CNTNAP4: variants seen among roughly 807,000 people sequenced by gnomAD.
The protein encoded by CNTNAP4 is contactin associated protein family member 4.
Under a neutral mutation model 148.4 loss-of-function variants are expected in CNTNAP4, and 98 were observed. The ratio of observed to expected loss-of-function variants is 0.66; its 90% CI spans 0.56 to 0.78. CNTNAP4 has a LOEUF of 0.78. CNTNAP4 is among the 30% of genes least tolerant of loss of function. The pLI, the probability that CNTNAP4 is intolerant of heterozygous loss-of-function variation, is 0.00. For synonymous variants in CNTNAP4, 730 were observed against 565.1 expected (o/e 1.29, Z -4.14); for missense variants, 1,935 against 1,565.6 (o/e 1.24, Z -3.98).
At chr16:76,538,015 C>T in intron 18 of CNTNAP4, 101 bp from the exon 19 acceptor site, 1 of 449,834 alleles carries the variant, frequency 2.2e-6, no homozygotes. Context: ...GTTCTTCTAT[C>T]TATGCAATTC....
intron 15 of CNTNAP4, among the ~76,000 whole-genome samples, chr16:76,503,582 G>C (rs571866130): frequency 1.3e-5 from 2 of 152,206 alleles, no homozygotes; most frequent in East Asian, 3.9e-4. Flanking sequence ...ACAATGTGCA[G>C]GTTTGTTACA....
intron 3 of CNTNAP4, among the ~76,000 whole-genome samples, chr16:76,383,957 A>G (rs113302598): frequency 5.9e-5 from 9 of 152,136 alleles, no homozygotes; most frequent in African/African-American, 2.2e-4. Context: ...TGACAGATAA[A>G]TGTTTTCTCC....
At chr16:76,351,229 G>A (rs2011698048) in intron 2 of CNTNAP4, among the ~76,000 whole-genome samples, 1 of 152,130 alleles carries the variant, frequency 6.6e-6, no homozygotes, top group African/African-American at 2.4e-5. Flanking sequence ...CACTTTCTCT[G>A]TTAACAAAGT....
intron 17 of CNTNAP4, among the ~76,000 whole-genome samples, chr16:76,535,320 A>C (rs866654089): frequency 2.7e-4 from 41 of 152,308 alleles, no homozygotes; most frequent in African/African-American, 9.1e-4. Flanking sequence ...AAAGATCAAT[A>C]AATATTTTTT....
At chr16:76,455,011 TATG>T (rs1172899155) in intron 8 of CNTNAP4, among the ~76,000 whole-genome samples, 7 of 152,250 alleles carry the variant, frequency 4.6e-5, no homozygotes, top group Non-Finnish European at 8.8e-5. Flanking sequence ...AAATTTTTAA[TATG>T]ATGTACAGTT....
intron 8 of CNTNAP4, among the ~76,000 whole-genome samples, chr16:76,461,343 T>C (rs2080952189): frequency 6.6e-6 from 1 of 152,182 alleles, no homozygotes; most frequent in African/African-American, 2.4e-5. Context: ...CTGAAATGAC[T>C]GAAAACACCC....
intron 3 of CNTNAP4, among the ~76,000 whole-genome samples, chr16:76,399,202 A>G (rs1229812637): frequency 6.6e-6 from 1 of 152,182 alleles, no homozygotes; most frequent in African/African-American, 2.4e-5. Flanking sequence ...TGGCTCTATT[A>G]GCAGCATGAA....
intron 3 of CNTNAP4, among the ~76,000 whole-genome samples, chr16:76,359,005 C>G (rs977371164): frequency 6.6e-6 from 1 of 152,148 alleles, no homozygotes; most frequent in Non-Finnish European, 1.5e-5. Flanking sequence ...TCGCTAATTG[C>G]TGAAGCAGGA....
At chr16:76,401,729 T>A (rs962463877) in intron 3 of CNTNAP4, among the ~76,000 whole-genome samples, 12 of 152,178 alleles carry the variant, frequency 7.9e-5, no homozygotes, top group Non-Finnish European at 1.5e-4. Context: ...ATACCTAGTT[T>A]ATTGAGGATT....
Position 76,553,903 on chromosome 16 carries a change from T to C in CNTNAP4, c.3729T>C (p.Ile1243=), listed in dbSNP as rs757542685. 2 of 1,591,260 alleles carry C rather than the reference T, an allele frequency of 1.3e-6. No individual in the cohort carries two copies. The highest frequency in any genetic ancestry group is 2.7e-5 in the African/African-American group (2 of 74,534). The part of the protein sequence containing the change: ...ANAIKSDSAV[I]GGLIAVVIFI... ...CAATCAAAAGTGACTCTGCAGTAATTGGAGGTAATAAGAAGCATGAATGAG... is the reference window on the plus strand; with the variant it reads ...CAATCAAAAGTGACTCTGCAGTAATCGGAGGTAATAAGAAGCATGAATGAG... Residue 1243 remains isoleucine (I), a synonymous_variant, in exon 23 of 24, where the codon ATT becomes ATC. Coordinates refer to ENST00000611870, the MANE Select transcript of CNTNAP4 (RefSeq NM_033401.5).
intron 2 of CNTNAP4, among the ~76,000 whole-genome samples, chr16:76,354,468 C>T (rs1300758664): frequency 6.6e-6 from 1 of 152,144 alleles, no homozygotes; most frequent in African/African-American, 2.4e-5. Context: ...CCTTGGTTCT[C>T]TTTTCCCCCA....
intron 2 of CNTNAP4, among the ~76,000 whole-genome samples, chr16:76,343,539 A>G (rs1344580777): frequency 6.6e-6 from 1 of 152,160 alleles, no homozygotes; most frequent in Non-Finnish European, 1.5e-5. Flanking sequence ...GTAATCTGAG[A>G]AGAGTTTTAA....
At chr16:76,371,265 C>G (rs2014787178) in intron 3 of CNTNAP4, among the ~76,000 whole-genome samples, 1 of 152,038 alleles carries the variant, frequency 6.6e-6, no homozygotes, top group Admixed American at 6.6e-5. Flanking sequence ...TACCTTAATA[C>G]ACATCTGTTT....
intron 12 of CNTNAP4, among the ~76,000 whole-genome samples, chr16:76,489,122 C>T (rs1051659919): frequency 2.6e-5 from 4 of 152,066 alleles, no homozygotes; most frequent in Admixed American, 2.0e-4. Context: ...TAGAGGGCTA[C>T]AAAATTTTGA....
At chr16:76,495,550 T>A (rs2082374876) in intron 14 of CNTNAP4, among the ~76,000 whole-genome samples, 1 of 152,020 alleles carries the variant, frequency 6.6e-6, no homozygotes, top group Non-Finnish European at 1.5e-5. Flanking sequence ...TTTGAAAAAA[T>A]AGATCTGTAA....
In CNTNAP4 at chr16:76,538,131, T is replaced by A; in HGVS notation, c.3011T>A (p.Phe1004Tyr). The stretch of plus-strand genomic sequence containing the variant: ...ATTATTTCAGAGATTTCTGCATATT[T>A]TGGATCTGGCTCATCCGTGATATAC... ...PFCSNEISAY[F>Y]GSGSSVIYNF... The change falls in exon 19 of 24, where the codon TTT (phenylalanine) becomes TAT (tyrosine). Residue 1004 changes from phenylalanine to tyrosine, a missense_variant. Phe to Tyr is a conservative substitution (Grantham distance 22). Transcript: ENST00000611870. The A allele has an allele frequency of 6.8e-7, 1 of 1,472,964 alleles. No individual in the cohort carries two copies. The highest frequency in any genetic ancestry group is 9.0e-7 in the Non-Finnish European group (1 of 1,107,358). The allele number at this position is 1,472,964 out of a possible 1,614,324, so 91.2% of individuals were successfully genotyped here.
chr16:76,427,041 A>G (rs188859059), intron 3 of CNTNAP4, among the ~76,000 whole-genome samples: 15 of 152,318 alleles, frequency 9.8e-5, no homozygotes, highest in African/African-American at 2.9e-4. Context: ...TCATTCATCA[A>G]TGATGTAAGC....
chr16:76,541,110 TATTA>T (rs1282912417), intron 21 of CNTNAP4, among the ~76,000 whole-genome samples: 1 of 152,210 alleles, frequency 6.6e-6, no homozygotes, highest in South Asian at 2.1e-4. Flanking sequence ...ACAAAGTATG[TATTA>T]ATTAGGTGCC....
intron 3 of CNTNAP4, among the ~76,000 whole-genome samples, chr16:76,418,793 T>G (rs373571454): frequency 2.0e-5 from 3 of 151,892 alleles, no homozygotes; most frequent in East Asian, 3.9e-4. Flanking sequence ...ATGCGCTATA[T>G]CTGATGACAA....
Sources: gnomAD v4.1 joint callset for allele counts (sites outside exome capture counted in the v4.1 genomes callset) on GRCh38, gnomAD v4.1.1 for gene constraint, MANE v1.5 for transcripts, NCBI Gene and HGNC (gene_info 2026-07-23, HGNC 2026-07-21) for gene names.